ALDH16A1: variants seen among roughly 807,000 people sequenced by gnomAD.
The protein encoded by ALDH16A1 is aldehyde dehydrogenase 16 family member A1.
Under a neutral mutation model 96.1 loss-of-function variants are expected in ALDH16A1, and 88 were observed. The observed-to-expected ratio is 0.92, with a 90% CI of 0.77 to 1.09. The LOEUF (loss-of-function observed/expected upper bound fraction) is 1.09. ALDH16A1 is among the 50% of genes least tolerant of loss of function. The pLI is 0.00. For missense variants in ALDH16A1, 1,250 were observed against 1,112.6 expected, an observed-to-expected ratio of 1.12 and a Z score of -1.76; for synonymous variants, 522 against 496.4, an observed-to-expected ratio of 1.05 and a Z score of -0.69.
At position 49,453,250 on chromosome 19, in the gene ALDH16A1, G is replaced by A. The variant is rs149471991; in HGVS notation, c.-82G>A. On this transcript the variant is annotated 5_prime_UTR_variant, in exon 1 of 17. Coordinates refer to ENST00000293350, the MANE Select transcript of ALDH16A1 (RefSeq NM_153329.4). ...AGCCCCGCCCCTTTGGGCTGGAACC[G>A]GAGGTGTCGCTCTTCGGACCTCAAG... The A allele has an allele frequency of 1.5e-3, 1,937 of 1,294,866 alleles. 22 individuals are homozygous for A. In the African/African-American group the frequency reaches 0.024, roughly 16 times the overall value. The allele number at this position is 1,294,866 out of a possible 1,614,324, so 80.2% of individuals were successfully genotyped here.
chr19:49,467,177 A>G (rs895037311), intron 14 of ALDH16A1, among the ~76,000 whole-genome samples: 3 of 151,978 alleles, frequency 2.0e-5, no homozygotes, highest in African/African-American at 4.8e-5. Context: ...ACCAGCACAC[A>G]TGACTGGGTG....
In ALDH16A1 at chr19:49,467,671, G is replaced by A. The variant is rs542700517; in HGVS notation, c.1939-710G>A. Among the ~76,000 whole-genome samples the A allele has an allele frequency of 3.3e-5, 5 of 151,768 alleles. No individual in the cohort carries two copies. In the South Asian group the frequency reaches 8.3e-4, roughly 25 times the overall value. On this transcript the variant is annotated intron_variant, in intron 14 of 16. Coordinates refer to ENST00000293350, the MANE Select transcript of ALDH16A1 (RefSeq NM_153329.4). The stretch of plus-strand genomic sequence containing the variant: ...GGCCTCCCAAAGTGCTGGGATTACA[G>A]GTGTGAGCCACTACACCCGGCCTTC...
chr19:49,465,905 G>A lies in ALDH16A1; in HGVS notation c.1736G>A (p.Gly579Asp). ...AVEAAHQAFP[G>D]WAGQSPGARA... ...GAGGCCGCTCACCAGGCTTTCCCTG[G>A]GTAAGGGGTCACACGGGAAAGCCCA... The change falls in exon 13 of 17, where the codon GGC becomes GAC. Residue 579 changes from glycine (G) to aspartate (D), a missense_variant and splice_region_variant. By Grantham distance (94) the Gly-to-Asp change is moderately conservative. Transcript: ENST00000293350. 2.5e-6 allele frequency: 4 copies of A among 1,613,482 alleles called. No individual in the cohort carries two copies. Among genetic ancestry groups the A allele is most frequent in the Non-Finnish European group, 2.5e-6 (3 of 1,179,730 alleles).
rs959447734 is a variant in ALDH16A1 at position 49,455,597 on chromosome 19, G to GA, written c.90+2185dup. Reference sequence around the variant, plus strand: ...GACAGAATAAGACCCTGTCCCCCCTGAAAAAAAAAGAAGTTGAGGCCAGGC... The same window carrying GA: ...GACAGAATAAGACCCTGTCCCCCCTGAAAAAAAAAAGAAGTTGAGGCCAGGC... On this transcript the variant is annotated intron_variant, in intron 1 of 16. Transcript: ENST00000293350. Among the ~76,000 whole-genome samples, 8 of 148,992 alleles carry GA rather than the reference G, an allele frequency of 5.4e-5. No homozygotes were observed. In the South Asian group the frequency reaches 6.4e-4, roughly 12 times the overall value.
intron 7 of ALDH16A1, 59 bp downstream of exon 7, chr19:49,462,095 G>T (rs1015979504): frequency 6.8e-7 from 1 of 1,466,568 alleles, no homozygotes; most frequent in African/African-American, 1.5e-5. Context: ...TCTGTCTCCA[G>T]TCTTCGGGGT....
intron 4 of ALDH16A1, 73 bp from the exon 5 acceptor site, chr19:49,460,749 C>G: frequency 9.2e-7 from 1 of 1,084,722 alleles, no homozygotes; most frequent in Non-Finnish European, 1.3e-6. Flanking sequence ...GCCATGGGGT[C>G]TTGCCATGTG....
chr19:49,460,025 C>T (rs572762636), intron 4 of ALDH16A1, among the ~76,000 whole-genome samples, 177 bp downstream of exon 4: 1 of 152,240 alleles, frequency 6.6e-6, no homozygotes, highest in African/African-American at 2.4e-5. Context: ...ATTCTCCTGC[C>T]TCAGCCTCCT....
chr19:49,461,820 C>G lies in ALDH16A1; in HGVS notation c.759+20C>G. On this transcript the variant is annotated intron_variant, in intron 6 of 16. Coordinates refer to ENST00000293350, the MANE Select transcript of ALDH16A1 (RefSeq NM_153329.4). Reference sequence around the variant, plus strand: ...CCGGAGGTACCTTCGGGACAGGGGTCGTGGCGGAACGCGGCTGGGGGCCGC... The same window carrying G: ...CCGGAGGTACCTTCGGGACAGGGGTGGTGGCGGAACGCGGCTGGGGGCCGC... 1.2e-6 allele frequency: 2 copies of G among 1,606,334 alleles called. No individual in the cohort carries two copies. Among genetic ancestry groups the G allele is most frequent in the Non-Finnish European group, 8.5e-7 (1 of 1,176,748 alleles).
chr19:49,454,286 G>T (rs1290700652), intron 1 of ALDH16A1, among the ~76,000 whole-genome samples: 1 of 152,100 alleles, frequency 6.6e-6, no homozygotes, highest in African/African-American at 2.4e-5. Context: ...ACTTCCCAAA[G>T]TGCTGGGATT....
chr19:49,458,827 A>G (rs2079120380), intron 2 of ALDH16A1, 133 bp from the exon 3 acceptor site: 1 of 1,335,586 alleles, frequency 7.5e-7, no homozygotes, highest in Non-Finnish European at 1.0e-6. Context: ...GGAGGTGATC[A>G]TAGCCGTGAC....
intron 12 of ALDH16A1, 119 bp from the exon 13 acceptor site, chr19:49,465,619 G>T: frequency 8.0e-7 from 1 of 1,254,326 alleles, no homozygotes; most frequent in Non-Finnish European, 1.1e-6. Flanking sequence ...CATGGGAACA[G>T]GGGTTTGGGG....
At chr19:49,453,586 T>A in intron 1 of ALDH16A1, 165 bp downstream of exon 1, 1 of 629,826 alleles carries the variant, frequency 1.6e-6, no homozygotes, top group African/African-American at 1.8e-5. Context: ...GGACGCTCCC[T>A]TGAGCCTTGG....
At chr19:49,458,400 C>T (rs879183251) in intron 1 of ALDH16A1, 86 bp from the exon 2 acceptor site, 33 of 1,009,262 alleles carry the variant, frequency 3.3e-5, no homozygotes, top group East Asian at 1.6e-4. Context: ...GGGAGACAGA[C>T]GTCCCCTCCT....
intron 1 of ALDH16A1, among the ~76,000 whole-genome samples, chr19:49,455,365 G>A (rs1047064880): frequency 4.0e-5 from 6 of 149,522 alleles, no homozygotes; most frequent in South Asian, 2.1e-4. Flanking sequence ...GCAGTGAGCC[G>A]AGACCACGCC....
chr19:49,464,451 G>T lies in ALDH16A1; in HGVS notation c.1366G>T (p.Gly456Cys). ...GGGCACTGTCTGGATCAACGCCCAC[G>T]GCCTCAGAGACCCTTCGGTGCCCAC... ...QVGTVWINAH[G>C]LRDPSVPTGG... Residue 456 changes from glycine (G) to cysteine (C), a missense_variant, in exon 11 of 17, where the codon GGC becomes TGC. Gly to Cys is a radical substitution (Grantham distance 159, BLOSUM62 -3). Transcript: ENST00000293350. 6.2e-7 allele frequency: 1 copy of T among 1,610,274 alleles called. No homozygotes were observed. The highest frequency in any genetic ancestry group is 8.5e-7 in the Non-Finnish European group (1 of 1,178,556).
At position 49,468,598 on chromosome 19, in the gene ALDH16A1, C is replaced by T. The variant is rs2079219529; in HGVS notation, c.2124+32C>T. On this transcript the variant is annotated intron_variant, in intron 15 of 16. Coordinates refer to ENST00000293350, the MANE Select transcript of ALDH16A1 (RefSeq NM_153329.4). This position sits in a 1 kb window ranked among gnomAD's most constrained non-coding sequence, Gnocchi z 4.4. Reference sequence around the variant, plus strand: ...CCCCCTGCCTTCCTGCCTCTCCTCCCCGTAGCCTCAGGGCAGCAGAAAAAG... The same window carrying T: ...CCCCCTGCCTTCCTGCCTCTCCTCCTCGTAGCCTCAGGGCAGCAGAAAAAG... 1 of 1,596,796 alleles carries T rather than the reference C, an allele frequency of 6.3e-7. No individual in the cohort carries two copies. Among genetic ancestry groups the T allele is most frequent in the Admixed American group, 1.7e-5 (1 of 59,742 alleles).
At chr19:49,461,187 G>A (rs1473335488) in intron 5 of ALDH16A1, among the ~76,000 whole-genome samples, 2 of 131,178 alleles carry the variant, frequency 1.5e-5, no homozygotes, top group African/African-American at 3.2e-5. Context: ...GCTGGGGTCT[G>A]GATTCCTGGG....
chr19:49,453,768 T>C (rs1456317170), intron 1 of ALDH16A1, among the ~76,000 whole-genome samples: 2 of 152,104 alleles, frequency 1.3e-5, no homozygotes, highest in Non-Finnish European at 2.9e-5. Context: ...AGGATTCCTG[T>C]GAGGCTCCAG....
rs759122785 is a variant in ALDH16A1 at position 49,461,639 on chromosome 19, G to A, written c.598G>A (p.Val200Met). Residue 200 changes from valine to methionine, a missense_variant, in exon 6 of 17, where the codon GTG becomes ATG. Transcript: ENST00000293350. ...LAVGCTVVAL[V>M]PPASPAPLLL... ...CCCAGGCTGCACCGTGGTGGCCCTC[G>A]TGCCCCCGGCCTCCCCGGCGCCCCT... 127 of 1,596,564 alleles carry A rather than the reference G, an allele frequency of 8.0e-5. No individual in the cohort carries two copies. Among genetic ancestry groups the A allele is most frequent in the Non-Finnish European group, 9.6e-5 (113 of 1,172,326 alleles).
Sources: allele counts gnomAD v4.1 joint callset (sites outside exome capture counted in the v4.1 genomes callset), GRCh38; gene constraint gnomAD v4.1.1; non-coding constraint Gnocchi (gnomAD v3.1); transcripts MANE v1.5; gene names NCBI Gene and HGNC (gene_info 2026-07-23, HGNC 2026-07-21).